GIT2: variants seen among roughly 807,000 people sequenced by gnomAD.
GIT2 encodes the protein GIT ArfGAP 2, also known as ARF GTPase-activating protein GIT2.
GIT2 carries 32 observed loss-of-function variants against 100.3 expected under a neutral mutation model. The ratio of observed to expected loss-of-function variants is 0.32; its 90% CI spans 0.24 to 0.43. The LOEUF is 0.43. GIT2 is among the 20% of genes least tolerant of loss of function. The probability of loss-of-function intolerance (pLI) is 1.00; values close to 1 mark genes in which losing one functional copy is unlikely to be tolerated. For synonymous variants in GIT2, 353 were observed against 364.1 expected (o/e 0.97, Z 0.35); for missense variants, 737 against 975.1 (o/e 0.76, Z 3.25).
At chr12:109,976,442 G>A (rs1169235786) in intron 7 of GIT2, among the ~76,000 whole-genome samples, 4 of 151,278 alleles carry the variant, frequency 2.6e-5, no homozygotes, top group Non-Finnish European at 4.4e-5. Flanking sequence ...CCACCACCAC[G>A]CCCGGCTAAT....
intron 4 of GIT2, among the ~76,000 whole-genome samples, chr12:109,987,154 G>A (rs547510022): frequency 3.8e-4 from 57 of 151,856 alleles, no homozygotes; most frequent in South Asian, 3.5e-3. Context: ...AGGCCGAGGC[G>A]GGAGGATCAC....
intron 6 of GIT2, chr12:109,981,994 G>A (rs1230845853): frequency 6.6e-6 from 1 of 152,114 alleles, no homozygotes; most frequent in East Asian, 1.9e-4. Flanking sequence ...TCATTTTTTA[G>A]TATCTGTGAA....
At chr12:109,944,556 C>A (rs11068996) in intron 16 of GIT2, among the ~76,000 whole-genome samples, 3,641 of 152,304 alleles carry the variant, frequency 0.024, 57 homozygotes, top group East Asian at 0.055. Flanking sequence ...CATTGACTTA[C>A]CCAAACGCTG....
chr12:109,992,009 G>A (rs972432500), intron 1 of GIT2: 10 of 408,430 alleles, frequency 2.4e-5, no homozygotes, highest in Non-Finnish European at 4.4e-5. Flanking sequence ...TTCTGGTTCA[G>A]GGCCACAGTT....
chr12:109,984,674 C>T (rs899058910), intron 4 of GIT2, among the ~76,000 whole-genome samples: 3 of 151,854 alleles, frequency 2.0e-5, no homozygotes, highest in African/African-American at 7.3e-5. Flanking sequence ...CTCGAACTTA[C>T]GAGCTGAAGT....
intron 7 of GIT2, among the ~76,000 whole-genome samples, chr12:109,971,945 G>C (rs1386380888): frequency 6.6e-6 from 1 of 150,420 alleles, no homozygotes; most frequent in Non-Finnish European, 1.5e-5. Flanking sequence ...AGTGAGCCGA[G>C]ATCACACCAC....
At chr12:109,996,937 C>T (rs991308956), upstream of GIT2, among the ~76,000 whole-genome samples, 3 of 151,798 alleles carry the variant, frequency 2.0e-5, no homozygotes, top group African/African-American at 7.3e-5. Context: ...ATTGGCCGGG[C>T]GCGGTGGCTC....
chr12:109,931,636 C>T lies in GIT2; in HGVS notation c.*1342G>A, dbSNP rs1565923479. ...GTGGGCTCCCCATAGTCTCCTCTGC[C>T]CTGCTGCCGTGTACCTGGCTCCCTT... On this transcript the variant is annotated 3_prime_UTR_variant, in exon 20 of 20. Coordinates refer to ENST00000355312, the MANE Select transcript of GIT2 (RefSeq NM_057169.5). 1 of 152,368 alleles carries T rather than the reference C, an allele frequency of 6.6e-6. No homozygotes were observed. Among genetic ancestry groups the T allele is most frequent in the East Asian group, 1.9e-4 (1 of 5,176 alleles). The allele number at this position is 152,368 out of a possible 1,614,324, so 9.4% of individuals were successfully genotyped here.
At chr12:109,974,326 A>G (rs1056632849) in intron 7 of GIT2, among the ~76,000 whole-genome samples, 3 of 152,152 alleles carry the variant, frequency 2.0e-5, no homozygotes, top group Admixed American at 6.5e-5. Flanking sequence ...CAGGAGTTGG[A>G]GACCAGCCTG....
chr12:109,948,706 C>T lies in GIT2; in HGVS notation c.1393-1202G>A. On this transcript the variant is annotated intron_variant, in intron 14 of 19. Transcript: ENST00000355312. The surrounding 1 kb of genome is among the most constrained non-coding windows in gnomAD (Gnocchi z 4.3). ...TTAAGTCCACAAGCAACTGTTTGCA[C>T]CAGAAGATCATTACTTTTTCAGTAG... 3 of 1,474,340 alleles carry T rather than the reference C, an allele frequency of 2.0e-6. No homozygotes were observed. Among genetic ancestry groups the T allele is most frequent in the Non-Finnish European group, 1.8e-6 (2 of 1,118,370 alleles). 91.3% of individuals were successfully genotyped at this position (1,474,340 alleles called of 1,614,324 possible). A position where few individuals can be genotyped will look rare whatever the true frequency, so the allele number is the denominator to read the frequency against.
chr12:109,948,669 C>T lies in GIT2; in HGVS notation c.1393-1165G>A. The T allele has an allele frequency of 7.0e-7, 1 of 1,433,384 alleles. No individual in the cohort carries two copies. The highest frequency in any genetic ancestry group is 9.1e-7 in the Non-Finnish European group (1 of 1,100,674). The allele number at this position is 1,433,384 out of a possible 1,614,324, so 88.8% of individuals were successfully genotyped here. On this transcript the variant is annotated intron_variant, in intron 14 of 19. Transcript: ENST00000355312. This position sits in a 1 kb window ranked among gnomAD's most constrained non-coding sequence, Gnocchi z 4.3. ...TGTAAAATCTGACCAAATTCCCCAC[C>T]AGTGCCAAGGTTTAAGTCCACAAGC...
chr12:109,949,119 C>T, intron 14 of GIT2: 1 of 432,566 alleles, frequency 2.3e-6, no homozygotes, highest in Non-Finnish European at 4.1e-6. Context: ...TAGCTCATAT[C>T]TGCAATTCCC....
chr12:109,980,920 A>C, intron 7 of GIT2, 32 bp downstream of exon 7: 1 of 1,309,226 alleles, frequency 7.6e-7, no homozygotes, highest in Non-Finnish European at 1.1e-6. Context: ...TCCCAACTGG[A>C]GATGTGAAAC....
chr12:109,985,386 A>T (rs1887160985), intron 4 of GIT2, among the ~76,000 whole-genome samples: 1 of 152,148 alleles, frequency 6.6e-6, no homozygotes, highest in African/African-American at 2.4e-5. Context: ...CAAATTCTGA[A>T]TTCTTCAGCC....
Position 109,996,272 on chromosome 12 carries a change from A to G in GIT2, c.-48T>C. 2 of 1,371,796 alleles carry G rather than the reference A, an allele frequency of 1.5e-6. No homozygotes were observed. The highest frequency in any genetic ancestry group is 2.0e-6 in the Non-Finnish European group (2 of 1,001,710). 85.0% of individuals were successfully genotyped at this position (1,371,796 alleles called of 1,614,324 possible). On this transcript the variant is annotated 5_prime_UTR_variant, in exon 1 of 20. Coordinates refer to ENST00000355312, the MANE Select transcript of GIT2 (RefSeq NM_057169.5). ...GGAACTAGAGGCCGGGGGACAGCAA[A>G]GGCGGCGGTGGCGGCGGCGCTTCCG...
chr12:109,974,881 G>A (rs1884703788), intron 7 of GIT2, among the ~76,000 whole-genome samples: 1 of 151,992 alleles, frequency 6.6e-6, no homozygotes, highest in Non-Finnish European at 1.5e-5. Context: ...AACAATAATT[G>A]TAGATTTGAC....
intron 1 of GIT2, among the ~76,000 whole-genome samples, chr12:109,994,148 T>A (rs1408446276): frequency 6.6e-6 from 1 of 151,892 alleles, no homozygotes; most frequent in Non-Finnish European, 1.5e-5. Context: ...GGATTTGCAG[T>A]ATTCTTTTTT....
chr12:109,986,888 C>T (rs970314036), intron 4 of GIT2, among the ~76,000 whole-genome samples: 3 of 151,678 alleles, frequency 2.0e-5, no homozygotes, highest in South Asian at 4.2e-4. Flanking sequence ...ACCTGGGAGG[C>T]GGAGGTTGTA....
At chr12:109,953,064 C>T (rs773720843) in intron 13 of GIT2, 28 bp downstream of exon 13, 1 of 1,612,592 alleles carries the variant, frequency 6.2e-7, no homozygotes, top group Non-Finnish European at 8.5e-7. Context: ...TGCGTGCTTG[C>T]CCTTCCATGG....
Sources: gnomAD v4.1 joint callset for allele counts (sites outside exome capture counted in the v4.1 genomes callset) on GRCh38, gnomAD v4.1.1 for gene constraint, Gnocchi (gnomAD v3.1) non-coding constraint, MANE v1.5 for transcripts, NCBI Gene and HGNC (gene_info 2026-07-23, HGNC 2026-07-21) for gene names.